The following KIR3DL2 variants were observed in gnomAD, a reference collection of about 807,000 sequenced individuals.
KIR3DL2 encodes killer cell immunoglobulin-like receptor 3DL2.
A neutral mutation model predicts 41.6 loss-of-function variants in KIR3DL2; 42 were observed. The ratio of observed to expected loss-of-function variants is 1.01; its 90% confidence interval spans 0.79 to 1.31. The LOEUF is 1.31. Ranked by LOEUF, KIR3DL2 falls within the 50% of genes most tolerant of loss-of-function variation. The pLI, the probability that KIR3DL2 is intolerant of heterozygous loss-of-function variation, is 0.00. For missense variants in KIR3DL2, 728 were observed against 576.8 expected (o/e 1.26, Z -2.68); for synonymous variants, 230 against 221.3 (o/e 1.04, Z -0.35).
At chr19:54,853,667 G>A in intron 3 of KIR3DL2, 80 bp from the exon 4 acceptor site, 12 of 1,514,246 alleles carry the variant, frequency 7.9e-6, no homozygotes, top group Non-Finnish European at 1.1e-5. Context: ...CCTCTGGGAG[G>A]GGAACCCTCA....
chr19:54,866,253 T>C, intron 7 of KIR3DL2, 117 bp from the exon 8 acceptor site: 1 of 980,814 alleles, frequency 1.0e-6, no homozygotes, highest in South Asian at 1.4e-5. Context: ...AGTCTGGATG[T>C]TGGCAGCTGA....
intron 6 of KIR3DL2, among the ~76,000 whole-genome samples, chr19:54,860,243 G>A (rs904082584): frequency 3.9e-5 from 6 of 152,074 alleles, no homozygotes; most frequent in African/African-American, 7.2e-5. Flanking sequence ...GATGCATTTG[G>A]CCTCTGTTCT....
In KIR3DL2 at chr19:54,865,612, T is replaced by C. The variant is rs181691617; in HGVS notation, c.1001-193T>C. On this transcript the variant is annotated intron_variant, in intron 6 of 8. Coordinates refer to ENST00000326321, the MANE Select transcript of KIR3DL2 (RefSeq NM_006737.4). ...GGTCAAACATCTAAACTAAAGCAGC[T>C]GTATCCTCAGCATGTTCTATGGTTT... Among the ~76,000 whole-genome samples the C allele has an allele frequency of 1.6e-3, 251 of 152,216 alleles. 1 individual carries two copies. Among genetic ancestry groups the C allele is most frequent in the African/African-American group, 4.6e-3 (191 of 41,558 alleles).
chr19:54,855,280 T>A (rs1431465254), intron 4 of KIR3DL2, among the ~76,000 whole-genome samples: 1 of 150,590 alleles, frequency 6.6e-6, no homozygotes, highest in East Asian at 1.9e-4. Flanking sequence ...GATAGATAGA[T>A]AATAGATAGA....
intron 6 of KIR3DL2, among the ~76,000 whole-genome samples, chr19:54,859,983 T>A (rs1424538786): frequency 1.3e-5 from 2 of 151,850 alleles, no homozygotes; most frequent in African/African-American, 4.8e-5. Flanking sequence ...AATGCTGCTC[T>A]CCCTTCTTGC....
At chr19:54,860,920 A>G (rs17814543) in intron 6 of KIR3DL2, among the ~76,000 whole-genome samples, 19,642 of 119,634 alleles carry the variant, frequency 0.16, 1,374 homozygotes, top group East Asian at 0.55. Context: ...AGATGACTGT[A>G]GAGAGACGGA....
intron 5 of KIR3DL2, among the ~76,000 whole-genome samples, chr19:54,857,090 T>C (rs939082498): frequency 1.1e-4 from 16 of 151,678 alleles, no homozygotes; most frequent in Admixed American, 6.6e-5. Context: ...AGTTCTCTTT[T>C]TTTTTTTTTC....
intron 6 of KIR3DL2, among the ~76,000 whole-genome samples, chr19:54,862,857 T>G (rs1388175314): frequency 7.3e-6 from 1 of 137,910 alleles, no homozygotes; most frequent in African/African-American, 2.8e-5. Context: ...TTTTTTAAAA[T>G]TTTTATTATT....
At chr19:54,856,653 C>T (rs2064803378) in intron 5 of KIR3DL2, among the ~76,000 whole-genome samples, 1 of 152,048 alleles carries the variant, frequency 6.6e-6, no homozygotes, top group South Asian at 2.1e-4. Context: ...CACTGCACTG[C>T]AGCCTGGGAG....
chr19:54,866,324 C>T lies in KIR3DL2; in HGVS notation c.1106-46C>T, dbSNP rs566731813. The T allele has an allele frequency of 4.3e-6, 7 of 1,609,202 alleles. No homozygotes were observed. In the South Asian group the frequency reaches 6.6e-5, roughly 15 times the overall value. ...TGGTGTCTGCCCATGAAATGAGGAC[C>T]CAGAAGGGCCCTCCAAGCGGTTTTG... On this transcript the variant is annotated intron_variant, in intron 7 of 8. Coordinates refer to ENST00000326321, the MANE Select transcript of KIR3DL2 (RefSeq NM_006737.4).
In KIR3DL2 at chr19:54,866,598, G is replaced by A; in HGVS notation, c.1235G>A (p.Ser412Asn). ...DHCVFIQRKI[S>N]RPSQRPKTPL... ...TGCGTTTTCATACAGAGAAAAATCA[G>A]TCGCCCTTCTCAGAGGCCCAAGACA... is the stretch of plus-strand genomic sequence containing the variant. Residue 412 changes from serine (S) to asparagine (N), a missense_variant, in exon 9 of 9, where the codon AGT becomes AAT. Coordinates refer to ENST00000326321, the MANE Select transcript of KIR3DL2 (RefSeq NM_006737.4). 6.2e-7 allele frequency: 1 copy of A among 1,613,924 alleles called. No individual in the cohort carries two copies. Among genetic ancestry groups the A allele is most frequent in the Non-Finnish European group, 8.5e-7 (1 of 1,179,970 alleles).
At position 54,855,725 on chromosome 19, in the gene KIR3DL2, T is replaced by C; in HGVS notation, c.762T>C (p.His254=). The C allele has an allele frequency of 6.2e-7, 1 of 1,613,532 alleles. No homozygotes were observed. The highest frequency in any genetic ancestry group is 1.1e-5 in the South Asian group (1 of 91,084). ...CCTGGAGCTCCTATGACATCTACCA[T>C]CTGTCCAGGGAAGGGGAGGCCCATG... ...CSSWSSYDIY[H]LSREGEAHER... Residue 254 remains histidine (H), a synonymous_variant, in exon 5 of 9, where the codon CAT becomes CAC. Coordinates refer to ENST00000326321, the MANE Select transcript of KIR3DL2 (RefSeq NM_006737.4).
intron 6 of KIR3DL2, among the ~76,000 whole-genome samples, chr19:54,864,810 C>T (rs1462014155): frequency 2.6e-5 from 4 of 151,668 alleles, no homozygotes; most frequent in Non-Finnish European, 5.9e-5. Flanking sequence ...CAAACAGGGA[C>T]AATTTGACTT....
Position 54,855,872 on chromosome 19 carries a change from G to C in KIR3DL2, c.909G>C (p.Val303=), listed in dbSNP as rs1392102151. 5 of 1,613,474 alleles carry C rather than the reference G, an allele frequency of 3.1e-6. No homozygotes were observed. In the African/African-American group the frequency reaches 6.7e-5, roughly 22 times the overall value. The part of the protein sequence containing the change: ...CFGSFRALPC[V]WSNSSDPLLV... ...GCTCTTTCCGTGCCCTGCCCTGCGT[G>C]TGGTCAAACTCAAGTGACCCACTGC... The change falls in exon 5 of 9, where the codon GTG becomes GTC. Residue 303 remains valine (V), a synonymous_variant. Transcript: ENST00000326321.
At chr19:54,856,364 AAAAGT>A (rs1415830144) in intron 5 of KIR3DL2, among the ~76,000 whole-genome samples, 1 of 151,848 alleles carries the variant, frequency 6.6e-6, no homozygotes, top group Admixed American at 6.5e-5. Context: ...TACCATTTTT[AAAAGT>A]AAAATCTAGT....
intron 5 of KIR3DL2, 140 bp downstream of exon 5, chr19:54,856,052 G>A: frequency 8.9e-7 from 1 of 1,127,320 alleles, no homozygotes; most frequent in Admixed American, 2.2e-5. Context: ...CAGGGTGCAG[G>A]ATGGCAGACA....
At chr19:54,862,856 A>G (rs2065273500) in intron 6 of KIR3DL2, among the ~76,000 whole-genome samples, 1 of 103,386 alleles carries the variant, frequency 9.7e-6, no homozygotes, top group Non-Finnish European at 2.0e-5. Flanking sequence ...TTTTTTTAAA[A>G]TTTTTATTAT....
rs868411642 is a variant in KIR3DL2, at chr19:54,859,879, G to T, written c.1000+750G>T. ...GAGGCTCCCATGTTCCTTGGCTCCT[G>T]GTACCCTTCCTCCTTCCTCAAAGCC... is the stretch of plus-strand genomic sequence containing the variant. On this transcript the variant is annotated intron_variant, in intron 6 of 8. Coordinates refer to ENST00000326321, the MANE Select transcript of KIR3DL2 (RefSeq NM_006737.4). Among the ~76,000 whole-genome samples, 1,221 of 151,998 alleles carry T rather than the reference G, an allele frequency of 8.0e-3. 11 individuals are homozygous for T. The highest frequency in any genetic ancestry group is 0.028 in the African/African-American group (1,163 of 41,452).
At chr19:54,863,256 T>A (rs535061848) in intron 6 of KIR3DL2, among the ~76,000 whole-genome samples, 48 of 152,074 alleles carry the variant, frequency 3.2e-4, no homozygotes, top group African/African-American at 1.1e-3. Flanking sequence ...AGTCTATCAT[T>A]GTTGGACATT....
Sources: gnomAD v4.1 joint callset for allele counts (sites outside exome capture counted in the v4.1 genomes callset) on GRCh38, gnomAD v4.1.1 for gene constraint, MANE v1.5 for transcripts, NCBI Gene and HGNC (gene_info 2026-07-23, HGNC 2026-07-21) for gene names.